Variants in KIAA1210 observed in about 807,000 individuals in gnomAD.
KIAA1210 encodes acrosomal protein KIAA1210.
A neutral mutation model predicts 78.9 loss-of-function variants in KIAA1210; 48 were observed. The ratio of observed to expected loss-of-function variants is 0.61; its 90% confidence interval spans 0.48 to 0.77. The LOEUF (loss-of-function observed/expected upper bound fraction) is 0.77. Ranked by LOEUF, KIAA1210 falls within the 30% of genes least tolerant of loss-of-function variation. The pLI is 0.00. For synonymous variants in KIAA1210, 406 were observed against 404.5 expected, an observed-to-expected ratio of 1.00 and a Z score of -0.04; for missense variants, 1,108 against 1,100.0, an observed-to-expected ratio of 1.01 and a Z score of -0.10.
At chrX:119,120,895 G>A (rs1928434610) in intron 2 of KIAA1210, among the ~76,000 whole-genome samples, 1 of 111,499 alleles carries the variant, frequency 9.0e-6, no homozygotes. Context: ...GTTGCTCTAG[G>A]TCAGTGGCTT....
chrX:119,081,847 T>C (rs1447006430), intron 11 of KIAA1210, among the ~76,000 whole-genome samples: 2 of 112,740 alleles, frequency 1.8e-5, no homozygotes, highest in Non-Finnish European at 3.7e-5. Flanking sequence ...GAGGGAAACA[T>C]ATTGTATCTA....
rs5903546 is a variant in KIAA1210 at position 119,125,735 on chromosome X, A to ATATATATATATATATT, written c.-11+1991_-11+1992insAATATATATATATATA. Among the ~76,000 whole-genome samples, 9 of 15,790 alleles carry ATATATATATATATATT rather than the reference A, an allele frequency of 5.7e-4. 1 individual carries two copies. The highest frequency in any genetic ancestry group is 2.1e-3 in the African/African-American group (8 of 3,841). 13.7% of individuals were successfully genotyped at this position (15,790 alleles called of 115,157 possible). ...AATACATATATATATATATATATAT[A>ATATATATATATATATT]TTTTTTTTTTTTTTTTTTTGGAGAG... On this transcript the variant is annotated intron_variant, in intron 1 of 11. Transcript: ENST00000691062.
chrX:119,115,520 G>A (rs1187320151), intron 3 of KIAA1210, among the ~76,000 whole-genome samples: 1 of 111,968 alleles, frequency 8.9e-6, no homozygotes, highest in Non-Finnish European at 1.9e-5. Flanking sequence ...ATGCACTCAT[G>A]AAGGTTGTTC....
intron 8 of KIAA1210, among the ~76,000 whole-genome samples, chrX:119,090,576 CT>C (rs113384488): frequency 1.4e-3 from 137 of 101,015 alleles, no homozygotes; most frequent in Middle Eastern, 4.9e-3. Flanking sequence ...GGCCATGTTG[CT>C]TTTTTTTTTT....
intron 2 of KIAA1210, among the ~76,000 whole-genome samples, chrX:119,139,218 G>A (rs1928990855): frequency 9.0e-6 from 1 of 111,470 alleles, no homozygotes; most frequent in African/African-American, 3.3e-5. Flanking sequence ...CTCCTGGGAG[G>A]TGAGGGCTCC....
At chrX:119,128,854 T>C (rs1928716356), upstream of KIAA1210, among the ~76,000 whole-genome samples, 1 of 110,538 alleles carries the variant, frequency 9.0e-6, no homozygotes, top group Non-Finnish European at 1.9e-5. Context: ...TGTGTATTTT[T>C]AGTAGAGACG....
At chrX:119,116,141 C>A (rs1333908874) in intron 3 of KIAA1210, among the ~76,000 whole-genome samples, 3 of 111,980 alleles carry the variant, frequency 2.7e-5, no homozygotes, top group African/African-American at 6.5e-5. Flanking sequence ...ATCAAACAGG[C>A]CTTCAGCTCC....
intron 1 of KIAA1210, chrX:119,150,221 C>T: frequency 9.4e-7 from 1 of 1,059,575 alleles, no homozygotes; most frequent in Admixed American, 2.7e-5. Context: ...GTGCAGCTCT[C>T]CCTTCTCAGA....
At position 119,081,493 on chromosome X, in the gene KIAA1210, C is replaced by G. The variant is rs771951511; in HGVS notation, c.4438G>C (p.Ala1480Pro). The change falls in exon 12 of 12, where the codon GCT becomes CCT. Residue 1480 changes from alanine to proline, a missense_variant. Physicochemically the swap from Ala to Pro is conservative, Grantham distance 27. This residue lies in a region of KIAA1210 where 245 missense variants were observed against 278.8 expected (regional missense o/e 0.88). Transcript: ENST00000691062. ...GCAGGAACTTGCAGTATCTTCTGAGCTTCAAATCCAACTGGAACCACAGCA... is the reference window on the plus strand; with the variant it reads ...GCAGGAACTTGCAGTATCTTCTGAGGTTCAAATCCAACTGGAACCACAGCA... ...PKPTKSVGFEAQKILQVPAME... is the reference protein window; with the variant it reads ...PKPTKSVGFEPQKILQVPAME... 1 of 1,206,558 alleles carries G rather than the reference C, an allele frequency of 8.3e-7. No homozygotes were observed. The highest frequency in any genetic ancestry group is 1.1e-6 in the Non-Finnish European group (1 of 893,283).
At chrX:119,150,204 C>T in intron 1 of KIAA1210, 1 of 956,638 alleles carries the variant, frequency 1.0e-6, no homozygotes, top group Non-Finnish European at 1.4e-6. Flanking sequence ...ATATAAACAT[C>T]ACCCTTGTGC....
At chrX:119,136,177 T>C (rs1396721638) in intron 2 of KIAA1210, among the ~76,000 whole-genome samples, 1 of 111,993 alleles carries the variant, frequency 8.9e-6, no homozygotes, top group Non-Finnish European at 1.9e-5. Flanking sequence ...TCAAAAGCCG[T>C]CAAGGAGTGG....
In KIAA1210 at chrX:119,088,793, C is replaced by A; in HGVS notation, c.1909G>T (p.Glu637Ter). The change falls in exon 9 of 12, where the codon GAA becomes TAA. Residue 637 changes from glutamate (E) to a stop codon, truncating the protein, a stop_gained. Coordinates refer to ENST00000691062, the MANE Select transcript of KIAA1210 (RefSeq NM_001394962.1). LOFTEE classifies it high-confidence loss of function. ...QSLGKFEDEQ[E>*]VFSESKSFVE... is the part of the protein sequence containing the mutation. ...AAACTTTTTGATTCTGAGAAGACTTCTTGTTCATCTTCAAACTTCCCCAAG... is the reference window on the plus strand; with the variant it reads ...AAACTTTTTGATTCTGAGAAGACTTATTGTTCATCTTCAAACTTCCCCAAG... The A allele has an allele frequency of 8.3e-7, 1 of 1,211,508 alleles. No homozygotes were observed.
intron 8 of KIAA1210, among the ~76,000 whole-genome samples, chrX:119,092,683 CTA>C (rs1927414086): frequency 1.8e-5 from 2 of 109,433 alleles, no homozygotes; most frequent in African/African-American, 3.3e-5. Flanking sequence ...ATTGCTTGAA[CTA>C]GGGAGGTGGA....
intron 1 of KIAA1210, among the ~76,000 whole-genome samples, chrX:119,125,485 T>G (rs1928599754): frequency 9.4e-6 from 1 of 106,457 alleles, no homozygotes; most frequent in Non-Finnish European, 1.9e-5. Context: ...CTCCCATGAC[T>G]CACTCCATGT....
rs189623102 is a variant in KIAA1210, at chrX:119,117,172, T to C, written c.62-508A>G. On this transcript the variant is annotated intron_variant, in intron 2 of 11. Transcript: ENST00000691062. ...AGTCTAAGTGGCAGTTGATACTTCC[T>C]AGCCTGCGTGCTCAAAGGATGCAGA... Among the ~76,000 whole-genome samples, 936 of 112,233 alleles carry C rather than the reference T, an allele frequency of 8.3e-3. 12 individuals are homozygous for C. Among genetic ancestry groups the C allele is most frequent in the East Asian group, 0.062 (220 of 3,567 alleles).
At position 119,108,477 on chromosome X, in the gene KIAA1210, T is replaced by G; in HGVS notation, c.358-6A>C. ...GTTCTGGAAATATGGGATCTCTGTGTAAGAGAGAGAGAAAAAAACTTGAGG... is the reference window on the plus strand; with the variant it reads ...GTTCTGGAAATATGGGATCTCTGTGGAAGAGAGAGAGAAAAAAACTTGAGG... On this transcript the variant is annotated splice_polypyrimidine_tract_variant and splice_region_variant and intron_variant, in intron 4 of 11. Coordinates refer to ENST00000691062, the MANE Select transcript of KIAA1210 (RefSeq NM_001394962.1). 2.5e-6 allele frequency: 3 copies of G among 1,197,806 alleles called. No homozygotes were observed. The highest frequency in any genetic ancestry group is 3.4e-6 in the Non-Finnish European group (3 of 890,333).
chrX:119,119,975 CAAAAAAAA>C (rs11342308), intron 2 of KIAA1210, among the ~76,000 whole-genome samples: 10 of 35,794 alleles, frequency 2.8e-4, no homozygotes, highest in South Asian at 2.1e-3. Context: ...GACTCCATCT[CAAAAAAAA>C]AAAAAAAAAA....
chrX:119,108,359 A>T lies in KIAA1210; in HGVS notation c.470T>A (p.Val157Asp). 2 of 1,210,397 alleles carry T rather than the reference A, an allele frequency of 1.7e-6. No individual in the cohort carries two copies. Among genetic ancestry groups the T allele is most frequent in the Middle Eastern group, 4.6e-4 (2 of 4,347 alleles). The change falls in exon 5 of 12, where the codon GTT becomes GAT. Residue 157 changes from valine to aspartate, a missense_variant. Val to Asp is a radical substitution (Grantham distance 152). Coordinates refer to ENST00000691062, the MANE Select transcript of KIAA1210 (RefSeq NM_001394962.1). ...LQNVPTSAVW[V>D]AGPKITENPP... ...TACCTCAGTGATCTTGGGGCCAGCA[A>T]CCCAGACTGCACTTGTAGGCACATT...
chrX:119,147,513 C>T, exon 2 of KIAA1210: 1 of 1,211,500 alleles, frequency 8.3e-7, no homozygotes, highest in Non-Finnish European at 1.1e-6. Context: ...AGCTGACTAG[C>T]ATGATGTGAG....
Sources: gnomAD v4.1 joint callset for allele counts (sites outside exome capture counted in the v4.1 genomes callset) on GRCh38, gnomAD v4.1.1 for gene constraint, gnomAD v4.1.1 regional missense constraint, MANE v1.5 for transcripts, NCBI Gene and HGNC (gene_info 2026-07-23, HGNC 2026-07-21) for gene names.